The following PDZD2 variants were observed in gnomAD, a reference collection of about 807,000 sequenced individuals.
The protein encoded by PDZD2 is PDZ domain containing 2.
In PDZD2, 90 loss-of-function variants were observed where a neutral mutation model predicts 220.7. The ratio of observed to expected loss-of-function variants is 0.41; its 90% CI spans 0.34 to 0.49. The LOEUF (loss-of-function observed/expected upper bound fraction) is 0.49, where lower values mean the gene tolerates loss of function less well. Among genes scored for constraint, PDZD2 ranks in the 20% least tolerant of loss-of-function variants. The probability of loss-of-function intolerance (pLI) is 0.28; values close to 1 mark genes in which losing one functional copy is unlikely to be tolerated. For synonymous variants in PDZD2, 1,375 were observed against 1,450.5 expected (o/e 0.95, Z 1.18); for missense variants, 3,174 against 3,608.5 (o/e 0.88, Z 3.08).
At chr5:32,086,944 C>T (rs1393669617) in intron 19 of PDZD2, among the ~76,000 whole-genome samples, 187 bp from the exon 20 acceptor site, 4 of 151,384 alleles carry the variant, frequency 2.6e-5, no homozygotes, top group Non-Finnish European at 1.5e-5. Flanking sequence ...CCGCCTCCGC[C>T]TCCCAAAGTG....
At chr5:31,652,899 C>A (rs1338374954) in intron 1 of PDZD2, among the ~76,000 whole-genome samples, 1 of 152,130 alleles carries the variant, frequency 6.6e-6, no homozygotes, top group Non-Finnish European at 1.5e-5. Context: ...GTAGTCTCAG[C>A]TGCTTGGGAG....
chr5:32,061,131 A>G lies in PDZD2; in HGVS notation c.2448A>G (p.Pro816=), dbSNP rs1041244664. 1.2e-6 allele frequency: 2 copies of G among 1,613,950 alleles called. No homozygotes were observed. Among genetic ancestry groups the G allele is most frequent in the Non-Finnish European group, 1.7e-6 (2 of 1,179,954 alleles). Residue 816 remains proline, a synonymous_variant, in exon 14 of 25, where the codon CCA becomes CCG. Transcript: ENST00000438447. ...VRLVIGRHPN[P]KVSEQEMDEV... is the part of the protein sequence containing the mutation. ...TTGTCATCGGCCGGCACCCTAATCC[A>G]AAGGTGAGGTGGTCCACCCTCTTCT...
At chr5:32,094,128 C>T (rs939576897) in intron 21 of PDZD2, among the ~76,000 whole-genome samples, 12 of 151,288 alleles carry the variant, frequency 7.9e-5, no homozygotes, top group African/African-American at 2.7e-4. Context: ...GATAAAGAGG[C>T]TGAAGAAACC....
intron 1 of PDZD2, among the ~76,000 whole-genome samples, chr5:31,643,370 C>G (rs565041231): frequency 6.6e-6 from 1 of 152,302 alleles, no homozygotes; most frequent in East Asian, 1.9e-4. Context: ...TGGCTTGTTG[C>G]AGTGCTGCGT....
intron 2 of PDZD2, among the ~76,000 whole-genome samples, chr5:31,856,329 T>C (rs1561513693): frequency 6.6e-6 from 1 of 152,248 alleles, no homozygotes; most frequent in East Asian, 1.9e-4. Flanking sequence ...TGGGTGCAGC[T>C]GCAGGACTCA....
chr5:31,660,384 C>T (rs1425453131), intron 1 of PDZD2, among the ~76,000 whole-genome samples: 1 of 151,648 alleles, frequency 6.6e-6, no homozygotes, highest in Non-Finnish European at 1.5e-5. Context: ...TGTGTTAGTC[C>T]ATTCTCACAC....
intron 1 of PDZD2, among the ~76,000 whole-genome samples, chr5:31,736,979 A>G (rs944639193): frequency 2.4e-5 from 2 of 82,000 alleles, no homozygotes; most frequent in Non-Finnish European, 5.5e-5. Context: ...CCTCCCCAGA[A>G]GCAGATGCCA....
chr5:31,865,464 C>T (rs139707359), intron 2 of PDZD2, among the ~76,000 whole-genome samples: 15 of 151,716 alleles, frequency 9.9e-5, no homozygotes, highest in Non-Finnish European at 2.2e-4. Context: ...AGGTGTACAC[C>T]ACCTCACCCA....
At position 32,004,173 on chromosome 5, in the gene PDZD2, G is replaced by A. The variant is rs77264659; in HGVS notation, c.1254+3902G>A. Among the ~76,000 whole-genome samples the A allele has an allele frequency of 9.9e-3, 1,513 of 152,162 alleles. 28 individuals are homozygous for A. The highest frequency in any genetic ancestry group is 0.034 in the African/African-American group (1,420 of 41,516). On this transcript the variant is annotated intron_variant, in intron 5 of 24. Transcript: ENST00000438447. ...TGAAAACTTGGAAAACTGGTTCCTC[G>A]ATGATGCCTGCTCCCTGTGAGACAC... is the stretch of plus-strand genomic sequence containing the variant.
intron 1 of PDZD2, among the ~76,000 whole-genome samples, chr5:31,764,159 C>T (rs957709479): frequency 6.6e-5 from 10 of 152,296 alleles, no homozygotes; most frequent in African/African-American, 2.4e-4. Flanking sequence ...ATTCCCTTCA[C>T]GGCATCAGCC....
At chr5:31,905,852 T>G (rs13158606) in intron 2 of PDZD2, among the ~76,000 whole-genome samples, 1 of 151,794 alleles carries the variant, frequency 6.6e-6, no homozygotes, top group Non-Finnish European at 1.5e-5. Context: ...GGTAGGGAGT[T>G]TGCTTATTGT....
chr5:31,910,115 G>T (rs1743035660), intron 2 of PDZD2, among the ~76,000 whole-genome samples: 2 of 151,808 alleles, frequency 1.3e-5, no homozygotes, highest in South Asian at 4.1e-4. Flanking sequence ...GGGAACTAAG[G>T]TTCAGAAAGG....
At chr5:31,916,394 G>A (rs1743683040) in intron 2 of PDZD2, among the ~76,000 whole-genome samples, 1 of 152,228 alleles carries the variant, frequency 6.6e-6, no homozygotes, top group East Asian at 1.9e-4. Flanking sequence ...GTCAGGTGTA[G>A]AGGCCTGGTT....
chr5:31,710,228 T>C (rs1470483574), intron 1 of PDZD2, among the ~76,000 whole-genome samples: 2 of 152,192 alleles, frequency 1.3e-5, no homozygotes, highest in African/African-American at 4.8e-5. Context: ...TTTTGGTTGC[T>C]GGACTGTATT....
intron 1 of PDZD2, among the ~76,000 whole-genome samples, chr5:31,650,078 G>C (rs1427094852): frequency 6.6e-6 from 1 of 151,952 alleles, no homozygotes; most frequent in Admixed American, 6.6e-5. Context: ...TAGTACATTG[G>C]GAATCTGAGT....
intron 1 of PDZD2, among the ~76,000 whole-genome samples, chr5:31,723,483 A>C (rs189837586): frequency 7.1e-4 from 108 of 152,296 alleles, no homozygotes; most frequent in African/African-American, 2.5e-3. Flanking sequence ...TGATAACCAA[A>C]AACTCAAAAG....
intron 6 of PDZD2, among the ~76,000 whole-genome samples, chr5:32,012,297 A>T (rs1251220646): frequency 4.6e-5 from 7 of 152,168 alleles, no homozygotes; most frequent in Admixed American, 4.6e-4. Flanking sequence ...GCACGTCTGC[A>T]CCCCCTCTGC....
rs536872857 is a variant in PDZD2, at chr5:31,926,201, C to T, written c.477-56954C>T. 4.8e-5 allele frequency among the ~76,000 whole-genome samples: 7 copies of T among 146,830 alleles called. No individual in the cohort carries two copies. In the East Asian group the frequency reaches 8.0e-4, roughly 17 times the overall value. Reference sequence around the variant, plus strand: ...TGCCACTGTGCCCCAGCCTGGGCAACGGAGCAAGACCCTGTCACTTAAAAA... The same window carrying T: ...TGCCACTGTGCCCCAGCCTGGGCAATGGAGCAAGACCCTGTCACTTAAAAA... On this transcript the variant is annotated intron_variant, in intron 2 of 24. Coordinates refer to ENST00000438447, the MANE Select transcript of PDZD2 (RefSeq NM_178140.4).
At chr5:31,761,010 A>G (rs1198244512) in intron 1 of PDZD2, among the ~76,000 whole-genome samples, 1 of 152,142 alleles carries the variant, frequency 6.6e-6, no homozygotes, top group African/African-American at 2.4e-5. Flanking sequence ...GTCAACAGTC[A>G]GGCGGAAGCT....
Sources: allele counts gnomAD v4.1 joint callset (sites outside exome capture counted in the v4.1 genomes callset), GRCh38; gene constraint gnomAD v4.1.1; transcripts MANE v1.5; gene names NCBI Gene and HGNC (gene_info 2026-07-23, HGNC 2026-07-21).